Variants in ERC2 observed in about 807,000 individuals in gnomAD.
The protein encoded by ERC2 is ERC protein 2.
A neutral mutation model predicts 114.8 loss-of-function variants in ERC2; 42 were observed. The observed-to-expected ratio is 0.37, with a 90% CI of 0.29 to 0.47. The LOEUF is 0.47. Among genes scored for constraint, ERC2 ranks in the 20% least tolerant of loss-of-function variants. The pLI is 0.99. For synonymous variants in ERC2, 454 were observed against 425.5 expected (o/e 1.07, Z -0.82); for missense variants, 939 against 1,150.7 (o/e 0.82, Z 2.66).
Position 56,378,842 on chromosome 3 carries a change from T to C in ERC2, c.657+55509A>G, listed in dbSNP as rs187740170. 1.4e-4 allele frequency among the ~76,000 whole-genome samples: 21 copies of C among 152,312 alleles called. No homozygotes were observed. The East Asian group carries it at 4.1e-3, about 29-fold the overall frequency. ...CCACTGCAACAGAGGCACTGTGATT[T>C]GGCAGATGTACCTCCATTCGAGAAC... On this transcript the variant is annotated intron_variant, in intron 2 of 17. Coordinates refer to ENST00000288221, the MANE Select transcript of ERC2 (RefSeq NM_015576.3).
chr3:56,344,080 G>A (rs2058209275), intron 2 of ERC2, among the ~76,000 whole-genome samples: 1 of 152,176 alleles, frequency 6.6e-6, no homozygotes, highest in South Asian at 2.1e-4. Flanking sequence ...GAGAGAGGCA[G>A]ACGGATGTTT....
rs535120296 is a variant in ERC2 at position 56,188,575 on chromosome 3, G to A, written c.1075-15055C>T. Among the ~76,000 whole-genome samples, 15 of 152,216 alleles carry A rather than the reference G, an allele frequency of 9.9e-5. No homozygotes were observed. In the East Asian group the frequency reaches 1.9e-3, roughly 20 times the overall value. ...TTATGGTGGTGGTGGTGGTGGCAGC[G>A]GTGGTGGTGGTGACATTTTTACAGA... On this transcript the variant is annotated intron_variant, in intron 3 of 17. Transcript: ENST00000288221.
At chr3:56,289,662 A>G (rs1327440292) in intron 3 of ERC2, among the ~76,000 whole-genome samples, 5 of 152,056 alleles carry the variant, frequency 3.3e-5, no homozygotes, top group South Asian at 2.1e-4. Flanking sequence ...CTGCTCTCCA[A>G]TCATGCTTTC....
chr3:56,115,482 A>G (rs1172828919), intron 6 of ERC2, among the ~76,000 whole-genome samples: 1 of 152,148 alleles, frequency 6.6e-6, no homozygotes, highest in Non-Finnish European at 1.5e-5. Context: ...AGGGCTTATC[A>G]CAGGTAACAA....
intron 2 of ERC2, among the ~76,000 whole-genome samples, chr3:56,334,775 G>A (rs2057777349): frequency 6.6e-6 from 1 of 151,930 alleles, no homozygotes; most frequent in African/African-American, 2.4e-5. Flanking sequence ...AAAGCTTATA[G>A]GATTTGAATG....
intron 17 of ERC2, among the ~76,000 whole-genome samples, chr3:55,523,662 G>A (rs2053116121): frequency 6.6e-6 from 1 of 152,182 alleles, no homozygotes; most frequent in Non-Finnish European, 1.5e-5. Flanking sequence ...CCTAGGCTGC[G>A]TTCATGAGGA....
chr3:55,796,246 GTTT>G (rs1415655393), intron 14 of ERC2, among the ~76,000 whole-genome samples: 1 of 110,998 alleles, frequency 9.0e-6, no homozygotes, highest in African/African-American at 3.3e-5. Context: ...GCCTGGCTTT[GTTT>G]GAGAAGAAAA....
intron 10 of ERC2, 140 bp downstream of exon 10, chr3:56,007,041 T>C (rs2072547095): frequency 1.4e-6 from 1 of 698,432 alleles, no homozygotes; most frequent in East Asian, 2.9e-5. Context: ...AGCAATAAAG[T>C]TAAGAGTATT....
At chr3:56,289,734 C>T (rs1025271469) in intron 3 of ERC2, among the ~76,000 whole-genome samples, 1 of 152,194 alleles carries the variant, frequency 6.6e-6, no homozygotes, top group East Asian at 1.9e-4. Context: ...GTGGATGAAG[C>T]CAGTTGTCAG....
chr3:56,369,519 A>T (rs753878874), intron 2 of ERC2, among the ~76,000 whole-genome samples: 15 of 152,214 alleles, frequency 9.9e-5, no homozygotes, highest in Non-Finnish European at 1.9e-4. Context: ...TTTGAATTCA[A>T]CACATTTCCT....
intron 12 of ERC2, among the ~76,000 whole-genome samples, chr3:55,974,809 C>A (rs2069454171): frequency 6.6e-6 from 1 of 152,202 alleles, no homozygotes; most frequent in African/African-American, 2.4e-5. Flanking sequence ...AAGACTCGGA[C>A]CAGCAGCTCA....
chr3:56,422,333 G>T (rs2061417881), intron 2 of ERC2, among the ~76,000 whole-genome samples: 1 of 152,196 alleles, frequency 6.6e-6, no homozygotes, highest in Non-Finnish European at 1.5e-5. Flanking sequence ...GGTCTGCCAG[G>T]CCTTTAATGA....
At chr3:56,032,951 G>GAA (rs538176868) in intron 7 of ERC2, among the ~76,000 whole-genome samples, 18 of 56,794 alleles carry the variant, frequency 3.2e-4, no homozygotes, top group South Asian at 7.1e-4. Context: ...AAGAAAGAAA[G>GAA]AAAGAAACAG....
At chr3:56,009,855 G>A (rs1328856287) in intron 9 of ERC2, among the ~76,000 whole-genome samples, 2 of 152,266 alleles carry the variant, frequency 1.3e-5, no homozygotes, top group East Asian at 1.9e-4. Context: ...TAAAAACACA[G>A]GTGGCATTTA....
At chr3:55,921,550 T>C (rs1172007635) in intron 13 of ERC2, among the ~76,000 whole-genome samples, 1 of 152,098 alleles carries the variant, frequency 6.6e-6, no homozygotes, top group African/African-American at 2.4e-5. Context: ...ATATGGTTTT[T>C]AAAAAATGAG....
intron 13 of ERC2, among the ~76,000 whole-genome samples, chr3:55,948,479 T>G (rs1252343781): frequency 6.6e-6 from 1 of 152,230 alleles, no homozygotes; most frequent in East Asian, 1.9e-4. Context: ...TCTGAGCACA[T>G]CTGCTTAACA....
intron 16 of ERC2, among the ~76,000 whole-genome samples, chr3:55,697,296 T>C (rs2062983427): frequency 6.6e-6 from 1 of 152,192 alleles, no homozygotes; most frequent in South Asian, 2.1e-4. Context: ...TGCCTCTATG[T>C]CCATGGGTTG....
At chr3:56,001,573 G>A (rs1032312205) in intron 10 of ERC2, among the ~76,000 whole-genome samples, 5 of 152,226 alleles carry the variant, frequency 3.3e-5, no homozygotes, top group South Asian at 2.1e-4. Flanking sequence ...AAAAGTTCAC[G>A]CTGGCATATT....
chr3:55,724,063 A>C (rs2148893362), intron 15 of ERC2, among the ~76,000 whole-genome samples: 1 of 152,336 alleles, frequency 6.6e-6, no homozygotes, highest in South Asian at 2.1e-4. Flanking sequence ...AAGAAAATGT[A>C]AAACTAAAGA....
Sources: gnomAD v4.1 joint callset for allele counts (sites outside exome capture counted in the v4.1 genomes callset) on GRCh38, gnomAD v4.1.1 for gene constraint, MANE v1.5 for transcripts, NCBI Gene and HGNC (gene_info 2026-07-23, HGNC 2026-07-21) for gene names.